Variants in NFIC observed in about 807,000 individuals in gnomAD.
The protein encoded by NFIC is nuclear factor I C.
In NFIC, 12 loss-of-function variants were observed where a neutral mutation model predicts 54.4. The ratio of observed to expected loss-of-function variants is 0.22; its 90% CI spans 0.14 to 0.36. The LOEUF is 0.36. NFIC is among the 10% of genes least tolerant of loss of function. NFIC has a pLI of 1.00. For synonymous variants in NFIC, 322 were observed against 319.2 expected (o/e 1.01, Z -0.09); for missense variants, 575 against 718.2 (o/e 0.80, Z 2.28).
upstream of NFIC, among the ~76,000 whole-genome samples, chr19:3,365,007 G>A (rs1402756143): frequency 6.6e-6 from 1 of 152,134 alleles, no homozygotes; most frequent in East Asian, 1.9e-4. Flanking sequence ...TGGACCGTTC[G>A]TGATGTACTA....
Position 3,452,932 on chromosome 19 carries a change from A to C in NFIC, c.1269+266A>C, listed in dbSNP as rs2082490812. Reference sequence around the variant, plus strand: ...CCCAGCAACTGCGTGAGTCGTACTCATGTTAACACAAGGCAGGGAGGGACT... The same window carrying C: ...CCCAGCAACTGCGTGAGTCGTACTCCTGTTAACACAAGGCAGGGAGGGACT... On this transcript the variant is annotated intron_variant, in intron 8 of 10. Transcript: ENST00000443272. This position sits in a 1 kb window ranked among gnomAD's most constrained non-coding sequence, Gnocchi z 5.3. Among the ~76,000 whole-genome samples the C allele has an allele frequency of 1.3e-5, 2 of 152,348 alleles. No homozygotes were observed. Among genetic ancestry groups the C allele is most frequent in the South Asian group, 4.1e-4 (2 of 4,832 alleles).
chr19:3,463,563 CTT>C lies in NFIC; in HGVS notation c.*796_*797del, dbSNP rs1311726998. On this transcript the variant is annotated 3_prime_UTR_variant, in exon 11 of 11. Transcript: ENST00000443272. ...CCGACTCGCTGTCTCGCTGGGGACT[CTT>C]TCAGCCCTCGCGCCCGCCCGTTTGG... 15 of 984,660 alleles carry C rather than the reference CTT, an allele frequency of 1.5e-5. No individual in the cohort carries two copies. Among genetic ancestry groups the C allele is most frequent in the African/African-American group, 1.1e-4 (6 of 57,028 alleles). 61.0% of individuals were successfully genotyped at this position (984,660 alleles called of 1,614,324 possible).
rs201157849 is a variant in NFIC, at chr19:3,385,568, T to C, written c.562+3325T>C. On this transcript the variant is annotated intron_variant, in intron 2 of 10. Coordinates refer to ENST00000443272, the MANE Select transcript of NFIC (RefSeq NM_001245002.2). The stretch of plus-strand genomic sequence containing the variant: ...GGTTTTTTGGGGGTTTTTTTGGTTG[T>C]TGTTGTTTTTTTTTTTTTTTTTGAG... 5.9e-5 allele frequency among the ~76,000 whole-genome samples: 8 copies of C among 134,806 alleles called. No individual in the cohort carries two copies. In the East Asian group the frequency reaches 1.8e-3, roughly 31 times the overall value. 88.4% of individuals were successfully genotyped at this position (134,806 alleles called of 152,430 possible).
intron 6 of NFIC, among the ~76,000 whole-genome samples, chr19:3,442,380 CTTTT>C (rs10622379): frequency 7.5e-6 from 1 of 132,644 alleles, no homozygotes; most frequent in African/African-American, 2.8e-5. Flanking sequence ...CTTCCCATCC[CTTTT>C]TTTTTTTTTT....
chr19:3,404,711 A>T (rs1327205086), intron 2 of NFIC, among the ~76,000 whole-genome samples: 1 of 152,162 alleles, frequency 6.6e-6, no homozygotes, highest in Non-Finnish European at 1.5e-5. Flanking sequence ...AGGGGAAGGG[A>T]GAGGCGAGAA....
At chr19:3,365,506 A>G (rs2080868434), upstream of NFIC, among the ~76,000 whole-genome samples, 2 of 152,284 alleles carry the variant, frequency 1.3e-5, no homozygotes, top group African/African-American at 4.8e-5. Flanking sequence ...CCCTGTCATC[A>G]GATGCCCTGG....
At chr19:3,429,257 C>T (rs58950264) in intron 3 of NFIC, among the ~76,000 whole-genome samples, 3,366 of 68,082 alleles carry the variant, frequency 0.049, 489 homozygotes, top group East Asian at 0.25. Flanking sequence ...AATATATACA[C>T]ACACACACAC....
At chr19:3,451,387 C>T (rs1306353511) in intron 7 of NFIC, among the ~76,000 whole-genome samples, 1 of 152,072 alleles carries the variant, frequency 6.6e-6, no homozygotes, top group Non-Finnish European at 1.5e-5. Context: ...AATCCCAGCA[C>T]TTTGGGAGGC....
At chr19:3,400,012 CTG>C in intron 2 of NFIC, among the ~76,000 whole-genome samples, 1 of 152,082 alleles carries the variant, frequency 6.6e-6, no homozygotes, top group South Asian at 2.1e-4. Flanking sequence ...TAGCAAATCT[CTG>C]TCTCAAAAAT....
upstream of NFIC, chr19:3,366,547 T>TGGGGGGGGGGGGGGGGGG (rs1297245047): frequency 5.7e-6 from 2 of 353,472 alleles, no homozygotes; most frequent in Non-Finnish European, 7.8e-6. Flanking sequence ...GGGGGGGGGT[T>TGGGGGGGGGGGGGGGGGG]GGGGGGGGCG....
At chr19:3,461,703 A>G (rs1233519956) in intron 10 of NFIC, among the ~76,000 whole-genome samples, 1 of 151,994 alleles carries the variant, frequency 6.6e-6, no homozygotes, top group African/African-American at 2.4e-5. Context: ...AGCCTGGGCA[A>G]CAGAGCAAGA....
In NFIC at chr19:3,467,210, AG is replaced by A. The variant is rs1178449943; in HGVS notation, c.*4443del. On this transcript the variant is annotated 3_prime_UTR_variant, in exon 11 of 11. Transcript: ENST00000443272. ...CTGCTATGGACACCACACCTATGCC[AG>A]GCCCCCCCCCCCACCCCAGTCTCAT... 4.3e-5 allele frequency: 2 copies of A among 46,740 alleles called. No homozygotes were observed. The highest frequency in any genetic ancestry group is 7.8e-5 in the Non-Finnish European group (2 of 25,582). 2.9% of individuals were successfully genotyped at this position (46,740 alleles called of 1,614,324 possible).
chr19:3,436,774 C>A (rs1365363220), intron 6 of NFIC, among the ~76,000 whole-genome samples: 1 of 152,112 alleles, frequency 6.6e-6, no homozygotes, highest in East Asian at 1.9e-4. Flanking sequence ...TGCTCCCGGC[C>A]ACCTGTAGGA....
At chr19:3,365,312 T>C (rs2080866076), upstream of NFIC, among the ~76,000 whole-genome samples, 1 of 152,232 alleles carries the variant, frequency 6.6e-6, no homozygotes, top group South Asian at 2.1e-4. Context: ...AATGTGTCTT[T>C]AGTGAACATT....
intron 1 of NFIC, among the ~76,000 whole-genome samples, chr19:3,379,676 T>TTC (rs2081168755): frequency 2.1e-5 from 1 of 48,154 alleles, no homozygotes; most frequent in African/African-American, 4.4e-5. Flanking sequence ...TTTCTTTCTT[T>TTC]TTTTTTTTTT....
chr19:3,450,436 A>G (rs982861628), intron 7 of NFIC, among the ~76,000 whole-genome samples: 14 of 151,726 alleles, frequency 9.2e-5, no homozygotes, highest in South Asian at 2.1e-4. Flanking sequence ...CAGGCGGATC[A>G]CCTGAGGTCA....
chr19:3,382,119 C>T lies in NFIC; in HGVS notation c.438C>T (p.Thr146=), dbSNP rs758779883. ...ILFKGIPLES[T]DGERLVKAAQ... is the part of the protein sequence containing the mutation. ...TCAAGGGCATCCCGCTGGAGAGCAC[C>T]GACGGCGAGCGCCTGGTCAAGGCTG... Residue 146 remains threonine (T), a synonymous_variant, in exon 2 of 11, where the codon ACC becomes ACT. Coordinates refer to ENST00000443272, the MANE Select transcript of NFIC (RefSeq NM_001245002.2). 4.3e-6 allele frequency: 7 copies of T among 1,613,302 alleles called. No homozygotes were observed. Among genetic ancestry groups the T allele is most frequent in the Admixed American group, 1.7e-5 (1 of 60,024 alleles).
chr19:3,383,395 T>G (rs4807454), intron 2 of NFIC, among the ~76,000 whole-genome samples: 89,956 of 152,016 alleles, frequency 0.59, 28,229 homozygotes, highest in African/African-American at 0.79. Flanking sequence ...GCCCCAGGGG[T>G]CCTGGCAGGA....
At position 3,434,296 on chromosome 19, in the gene NFIC, A is replaced by G; in HGVS notation, c.729A>G (p.Thr243=). The G allele has an allele frequency of 6.2e-7, 1 of 1,612,286 alleles. No homozygotes were observed. The highest frequency in any genetic ancestry group is 8.5e-7 in the Non-Finnish European group (1 of 1,179,726). ...QVSRTPVVTG[T]GPNFSLGELQ... ...CTGCAGCACCCGTGGTGACTGGAAC[A>G]GGACCCAACTTCTCCCTGGGGGAGC... The change falls in exon 5 of 11, where the codon ACA becomes ACG. Residue 243 remains threonine (T), a synonymous_variant. Transcript: ENST00000443272.
Sources: gnomAD v4.1 joint callset for allele counts (sites outside exome capture counted in the v4.1 genomes callset) on GRCh38, gnomAD v4.1.1 for gene constraint, Gnocchi (gnomAD v3.1) non-coding constraint, MANE v1.5 for transcripts, NCBI Gene and HGNC (gene_info 2026-07-23, HGNC 2026-07-21) for gene names.